The following SDR16C5 variants were observed in gnomAD, a reference collection of about 807,000 sequenced individuals.
The protein encoded by SDR16C5 is epidermal retinol dehydrogenase 2.
A neutral mutation model predicts 27.7 loss-of-function variants in SDR16C5; 20 were observed. The ratio of observed to expected loss-of-function variants is 0.72; its 90% CI spans 0.51 to 1.05. The LOEUF (loss-of-function observed/expected upper bound fraction) is 1.05, where lower values mean the gene tolerates loss of function less well. Ranked by LOEUF, SDR16C5 falls within the 50% of genes least tolerant of loss-of-function variation. The pLI, the probability that SDR16C5 is intolerant of heterozygous loss-of-function variation, is 0.00. For missense variants in SDR16C5, 374 were observed against 366.3 expected, an observed-to-expected ratio of 1.02 and a Z score of -0.17; for synonymous variants, 139 against 132.3, an observed-to-expected ratio of 1.05 and a Z score of -0.35.
intron 4 of SDR16C5, among the ~76,000 whole-genome samples, chr8:56,308,330 C>G (rs1182597028): frequency 1.3e-5 from 2 of 152,214 alleles, no homozygotes; most frequent in African/African-American, 4.8e-5. Context: ...GTCAAGATTT[C>G]TATTCCTTCT....
intron 4 of SDR16C5, among the ~76,000 whole-genome samples, chr8:56,307,689 T>G (rs1234488122): frequency 6.6e-6 from 1 of 152,186 alleles, no homozygotes; most frequent in Non-Finnish European, 1.5e-5. Context: ...CCAGAGCAGC[T>G]TCTAGGGTCA....
chr8:56,304,597 C>T (rs554300903), intron 6 of SDR16C5, among the ~76,000 whole-genome samples: 3 of 151,892 alleles, frequency 2.0e-5, no homozygotes, highest in East Asian at 1.9e-4. Context: ...GGAGGGCAAT[C>T]GCGCGATCTC....
intron 3 of SDR16C5, 125 bp from the exon 4 acceptor site, chr8:56,309,152 G>A (rs532786067): frequency 2.8e-5 from 25 of 881,100 alleles, no homozygotes; most frequent in Non-Finnish European, 3.5e-5. Context: ...GAAGGTATGG[G>A]GATATAAAAA....
chr8:56,311,199 A>G (rs1815036715), intron 3 of SDR16C5, among the ~76,000 whole-genome samples: 1 of 152,284 alleles, frequency 6.6e-6, no homozygotes, highest in East Asian at 1.9e-4. Flanking sequence ...GGAACACTTG[A>G]GGCCAGGAGT....
intron 2 of SDR16C5, among the ~76,000 whole-genome samples, chr8:56,315,043 G>C (rs1014598973): frequency 6.6e-6 from 1 of 151,934 alleles, no homozygotes; most frequent in Admixed American, 6.6e-5. Context: ...TCGGGAGTTC[G>C]ACCAGCCTGA....
At chr8:56,309,519 C>T (rs1410525314) in intron 3 of SDR16C5, 16 of 985,028 alleles carry the variant, frequency 1.6e-5, no homozygotes, top group Non-Finnish European at 1.8e-5. Flanking sequence ...TTTCGTAAAA[C>T]AGAATATCTA....
Position 56,309,042 on chromosome 8 carries a change from G to C in SDR16C5, c.466-15C>G. On this transcript the variant is annotated splice_polypyrimidine_tract_variant and intron_variant, in intron 3 of 6. Transcript: ENST00000303749. Reference sequence around the variant, plus strand: ...GCTTTATAAGTCTAAGAATACAAAGGAAAACTTTTAATGTTTAATGCCACA... The same window carrying C: ...GCTTTATAAGTCTAAGAATACAAAGCAAAACTTTTAATGTTTAATGCCACA... 3.9e-6 allele frequency: 6 copies of C among 1,552,688 alleles called. No homozygotes were observed. Among genetic ancestry groups the C allele is most frequent in the East Asian group, 2.3e-5 (1 of 43,854 alleles).
rs762565900 is a variant in SDR16C5 at position 56,305,654 on chromosome 8, T to C, written c.779A>G (p.Gln260Arg). ...TGGCATATACAAGTACATTTTTTCT[T>C]GTAGAATAGCTTCTACTATTTTTTC... ...AVEKIVEAIL[Q>R]EKMYLYMPKL... is the part of the protein sequence containing the mutation. Residue 260 changes from glutamine (Q) to arginine (R), a missense_variant, in exon 6 of 7, where the codon CAA becomes CGA. Coordinates refer to ENST00000303749, the MANE Select transcript of SDR16C5 (RefSeq NM_138969.4). 12 of 1,603,306 alleles carry C rather than the reference T, an allele frequency of 7.5e-6. No homozygotes were observed. The highest frequency in any genetic ancestry group is 1.7e-5 in the Admixed American group (1 of 57,594).
chr8:56,312,944 T>C (rs1815087353), intron 2 of SDR16C5, among the ~76,000 whole-genome samples: 1 of 151,890 alleles, frequency 6.6e-6, no homozygotes, highest in Non-Finnish European at 1.5e-5. Flanking sequence ...ACCCGGCTAA[T>C]TTTTTGTATT....
chr8:56,313,474 A>G (rs1174819167), intron 2 of SDR16C5, among the ~76,000 whole-genome samples: 1 of 152,192 alleles, frequency 6.6e-6, no homozygotes, highest in East Asian at 1.9e-4. Flanking sequence ...CTTAGGCCAT[A>G]TGGTAGAGCC....
intron 3 of SDR16C5, chr8:56,309,314 G>A (rs908438035): frequency 1.0e-6 from 1 of 985,014 alleles, no homozygotes; most frequent in African/African-American, 1.7e-5. Flanking sequence ...AAGAATTGAA[G>A]GAGTAAATCT....
At chr8:56,310,520 C>A (rs192178601) in intron 3 of SDR16C5, among the ~76,000 whole-genome samples, 1 of 151,600 alleles carries the variant, frequency 6.6e-6, no homozygotes, top group Non-Finnish European at 1.5e-5. Flanking sequence ...GAGATGGAGA[C>A]CAGCCTGGCC....
chr8:56,309,071 T>C lies in SDR16C5; in HGVS notation c.466-44A>G, dbSNP rs142174327. ...ACTTTTAATGTTTAATGCCACATTG[T>C]ATAATTTTCTCAGATATTTATATAC... is the stretch of plus-strand genomic sequence containing the variant. On this transcript the variant is annotated intron_variant, in intron 3 of 6. Transcript: ENST00000303749. The C allele has an allele frequency of 2.3e-4, 320 of 1,405,234 alleles. No individual in the cohort carries two copies. In the African/African-American group the frequency reaches 4.0e-3, roughly 18 times the overall value. The allele number at this position is 1,405,234 out of a possible 1,614,324, so 87.0% of individuals were successfully genotyped here. A position where few individuals can be genotyped will look rare whatever the true frequency, so the allele number is the denominator to read the frequency against.
intron 6 of SDR16C5, among the ~76,000 whole-genome samples, chr8:56,301,813 G>A (rs4409393): frequency 0.31 from 46,474 of 151,900 alleles, 7,727 homozygotes; most frequent in South Asian, 0.44. Context: ...TTCTCATTTC[G>A]GTTTCCAAAG....
intron 4 of SDR16C5, among the ~76,000 whole-genome samples, chr8:56,308,480 G>A (rs1442510243): frequency 1.3e-5 from 2 of 152,226 alleles, no homozygotes; most frequent in African/African-American, 4.8e-5. Flanking sequence ...TCTTCAACCA[G>A]TGGAAAAACA....
At chr8:56,311,336 A>C (rs1287474685) in intron 3 of SDR16C5, among the ~76,000 whole-genome samples, 1 of 152,172 alleles carries the variant, frequency 6.6e-6, no homozygotes, top group Non-Finnish European at 1.5e-5. Flanking sequence ...AATCGCTTGA[A>C]TCCGGGAGGT....
At chr8:56,311,982 G>A (rs191553078) in intron 3 of SDR16C5, among the ~76,000 whole-genome samples, 175 bp downstream of exon 3, 29 of 152,306 alleles carry the variant, frequency 1.9e-4, no homozygotes, top group East Asian at 1.3e-3. Flanking sequence ...CAGAGGTCCT[G>A]GGGGCTGTAG....
intron 1 of SDR16C5, among the ~76,000 whole-genome samples, chr8:56,317,881 G>C (rs1340638497): frequency 1.3e-5 from 2 of 152,168 alleles, no homozygotes; most frequent in African/African-American, 4.8e-5. Context: ...CTGGGCACTG[G>C]GGCTGAGGGG....
rs1345339641 is a variant in SDR16C5, at chr8:56,300,126, G to A, written c.*1354C>T. ...TTTGTCAAATACTTAATTTGCTGCCGGGCACAGTAAATGTTAGTTATGATT... is the reference window on the plus strand; with the variant it reads ...TTTGTCAAATACTTAATTTGCTGCCAGGCACAGTAAATGTTAGTTATGATT... On this transcript the variant is annotated 3_prime_UTR_variant, in exon 7 of 7. Transcript: ENST00000303749. The A allele has an allele frequency of 1.3e-5, 2 of 152,000 alleles. No homozygotes were observed. Among genetic ancestry groups the A allele is most frequent in the East Asian group, 1.9e-4 (1 of 5,178 alleles). The allele number at this position is 152,000 out of a possible 1,614,324, so 9.4% of individuals were successfully genotyped here.
Sources: gnomAD v4.1 joint callset for allele counts (sites outside exome capture counted in the v4.1 genomes callset) on GRCh38, gnomAD v4.1.1 for gene constraint, MANE v1.5 for transcripts, NCBI Gene and HGNC (gene_info 2026-07-23, HGNC 2026-07-21) for gene names.